CLASP2: variants seen among roughly 807,000 people sequenced by gnomAD.
CLASP2 encodes the protein cytoplasmic linker associated protein 2.
In CLASP2, 47 loss-of-function variants were observed where a neutral mutation model predicts 194.4. That is an observed-to-expected ratio of 0.24 (90% CI 0.19 to 0.31). The LOEUF (loss-of-function observed/expected upper bound fraction) is 0.31. Ranked by LOEUF, CLASP2 falls within the 10% of genes least tolerant of loss-of-function variation. The probability of loss-of-function intolerance (pLI) is 1.00; values close to 1 mark genes in which losing one functional copy is unlikely to be tolerated. For missense variants in CLASP2, 1,445 were observed against 1,823.6 expected (o/e 0.79, Z 3.78); for synonymous variants, 619 against 633.5 (o/e 0.98, Z 0.34).
At chr3:33,529,927 G>A (rs1487102385) in intron 34 of CLASP2, among the ~76,000 whole-genome samples, 3 of 141,108 alleles carry the variant, frequency 2.1e-5, no homozygotes, top group East Asian at 2.3e-4. Context: ...GCAGTGAGCC[G>A]AGATTGCGCC....
chr3:33,715,029 A>G (rs2093225196), intron 1 of CLASP2, among the ~76,000 whole-genome samples: 1 of 152,146 alleles, frequency 6.6e-6, no homozygotes, highest in Non-Finnish European at 1.5e-5. Flanking sequence ...GTCTTTCTTA[A>G]CACCTCACTC....
At chr3:33,692,633 G>C (rs1243394973) in intron 2 of CLASP2, among the ~76,000 whole-genome samples, 1 of 152,106 alleles carries the variant, frequency 6.6e-6, no homozygotes, top group Admixed American at 6.5e-5. Flanking sequence ...ACGGAAGGAT[G>C]ACAGAACTAT....
chr3:33,681,644 G>A (rs1165201268), intron 6 of CLASP2, among the ~76,000 whole-genome samples: 1 of 152,188 alleles, frequency 6.6e-6, no homozygotes, highest in African/African-American at 2.4e-5. Context: ...ATAAAAGAGT[G>A]TTGGAGTACA....
At chr3:33,658,732 G>A (rs2084748391) in intron 7 of CLASP2, among the ~76,000 whole-genome samples, 1 of 152,054 alleles carries the variant, frequency 6.6e-6, no homozygotes, top group East Asian at 1.9e-4. Flanking sequence ...AAGCTTGCTT[G>A]GGTTGCAAGG....
At chr3:33,664,581 G>A (rs2085854711) in intron 6 of CLASP2, among the ~76,000 whole-genome samples, 1 of 151,984 alleles carries the variant, frequency 6.6e-6, no homozygotes, top group Non-Finnish European at 1.5e-5. Flanking sequence ...AAATCTCCTA[G>A]GAATTCATTA....
intron 1 of CLASP2, among the ~76,000 whole-genome samples, chr3:33,716,595 T>C (rs1166607235): frequency 1.3e-5 from 2 of 152,228 alleles, no homozygotes; most frequent in Non-Finnish European, 1.5e-5. Flanking sequence ...TGAATATGTA[T>C]ATGCCTTTCT....
chr3:33,704,396 AT>A (rs2092565069), intron 1 of CLASP2, among the ~76,000 whole-genome samples: 2 of 152,180 alleles, frequency 1.3e-5, no homozygotes, highest in Middle Eastern at 3.2e-3. Context: ...CTCTAAAAAA[AT>A]AAAACCTATT....
chr3:33,593,185 A>G (rs894621746), intron 20 of CLASP2, among the ~76,000 whole-genome samples: 14 of 152,154 alleles, frequency 9.2e-5, no homozygotes, highest in Non-Finnish European at 1.3e-4. Context: ...CTAGGCCACA[A>G]ACATCCTCAC....
chr3:33,602,646 T>C, intron 18 of CLASP2: 1 of 719,348 alleles, frequency 1.4e-6, no homozygotes, highest in Non-Finnish European at 2.5e-6. Context: ...TACAAGCCAA[T>C]TCCCTTCCCA....
chr3:33,657,846 A>G (rs1215360627), intron 7 of CLASP2, among the ~76,000 whole-genome samples: 1 of 152,172 alleles, frequency 6.6e-6, no homozygotes, highest in African/African-American at 2.4e-5. Flanking sequence ...ATTTTGATAT[A>G]TTTGTATCCT....
chr3:33,681,068 T>G (rs2154343106), intron 6 of CLASP2, among the ~76,000 whole-genome samples: 1 of 129,744 alleles, frequency 7.7e-6, no homozygotes, highest in South Asian at 2.6e-4. Context: ...GAGGTTGCAG[T>G]GAGCCGAGAT....
intron 33 of CLASP2, among the ~76,000 whole-genome samples, chr3:33,536,902 A>G (rs2057441328): frequency 6.6e-6 from 1 of 152,226 alleles, no homozygotes; most frequent in Non-Finnish European, 1.5e-5. Flanking sequence ...GGTTGCCATT[A>G]ACTAAGATAG....
Position 33,576,293 on chromosome 3 carries a change from G to A in CLASP2, c.2348-18C>T. ...ACCTGGACCTAATTCATCAAAAGAA[G>A]GAAAATAGATTTGAAGGAGTCATAA... is the stretch of plus-strand genomic sequence containing the variant. On this transcript the variant is annotated intron_variant, in intron 23 of 38. Transcript: ENST00000682230. 1 of 1,593,604 alleles carries A rather than the reference G, an allele frequency of 6.3e-7. No individual in the cohort carries two copies. The highest frequency in any genetic ancestry group is 1.1e-5 in the South Asian group (1 of 90,460).
intron 29 of CLASP2, among the ~76,000 whole-genome samples, chr3:33,554,174 C>A (rs1430081313): frequency 6.6e-6 from 1 of 150,450 alleles, no homozygotes; most frequent in Non-Finnish European, 1.5e-5. Context: ...TTCCAGTGAA[C>A]CGAGGTCACA....
chr3:33,644,472 CA>C (rs375142508), intron 8 of CLASP2: 17 of 350,254 alleles, frequency 4.9e-5, no homozygotes, highest in Admixed American at 8.5e-5. Context: ...TTAAAAAAAA[CA>C]AAAAAACCCC....
intron 7 of CLASP2, among the ~76,000 whole-genome samples, chr3:33,647,216 GATT>G (rs1401722582): frequency 2.6e-5 from 4 of 151,950 alleles, no homozygotes; most frequent in Admixed American, 2.0e-4. Flanking sequence ...GATTATTTTA[GATT>G]ATAACTATAT....
chr3:33,684,496 G>A, intron 5 of CLASP2, 40 bp from the exon 6 acceptor site: 1 of 1,331,714 alleles, frequency 7.5e-7, no homozygotes, highest in Non-Finnish European at 1.1e-6. Context: ...ACTTATATAT[G>A]ATACAATAAA....
At chr3:33,675,877 G>C (rs1230637389) in intron 6 of CLASP2, among the ~76,000 whole-genome samples, 2 of 149,296 alleles carry the variant, frequency 1.3e-5, no homozygotes, top group Non-Finnish European at 3.0e-5. Flanking sequence ...ACCTTACAAG[G>C]GACGTGAAGG....
intron 7 of CLASP2, among the ~76,000 whole-genome samples, chr3:33,656,008 C>T (rs1010322088): frequency 2.6e-5 from 4 of 152,150 alleles, no homozygotes; most frequent in African/African-American, 9.7e-5. Flanking sequence ...GGGCTCAGCA[C>T]CACATAATAA....
Sources: allele counts gnomAD v4.1 joint callset (sites outside exome capture counted in the v4.1 genomes callset), GRCh38; gene constraint gnomAD v4.1.1; transcripts MANE v1.5; gene names NCBI Gene and HGNC (gene_info 2026-07-23, HGNC 2026-07-21).